The following PPM1L variants were observed in gnomAD, a reference collection of about 807,000 sequenced individuals.
PPM1L encodes protein phosphatase 1L.
PPM1L carries 13 observed loss-of-function variants against 31.4 expected under a neutral mutation model. The observed-to-expected ratio is 0.41, with a 90% CI of 0.27 to 0.66. The LOEUF is 0.66. Ranked by LOEUF, PPM1L falls within the 30% of genes least tolerant of loss-of-function variation. PPM1L has a pLI of 0.29. For synonymous variants in PPM1L, 184 were observed against 175.4 expected, an observed-to-expected ratio of 1.05 and a Z score of -0.39; for missense variants, 326 against 453.7, an observed-to-expected ratio of 0.72 and a Z score of 2.56.
chr3:161,051,480 A>G (rs1315876357), intron 2 of PPM1L, among the ~76,000 whole-genome samples: 1 of 152,086 alleles, frequency 6.6e-6, no homozygotes, highest in African/African-American at 2.4e-5. Flanking sequence ...ATTCAGTAAT[A>G]TGCTTGTATT....
chr3:160,871,917 C>A (rs1712321861), intron 1 of PPM1L, among the ~76,000 whole-genome samples: 1 of 152,046 alleles, frequency 6.6e-6, no homozygotes, highest in African/African-American at 2.4e-5. Context: ...AAAATGACCA[C>A]TTTTGTATTT....
chr3:161,053,086 G>A (rs557189040), intron 2 of PPM1L, among the ~76,000 whole-genome samples: 43 of 152,346 alleles, frequency 2.8e-4, no homozygotes, highest in Admixed American at 8.5e-4. Context: ...ACACGAAGAC[G>A]TGAAAAAATA....
chr3:160,875,362 G>T (rs577198444), intron 1 of PPM1L, among the ~76,000 whole-genome samples: 1 of 152,296 alleles, frequency 6.6e-6, no homozygotes, highest in Non-Finnish European at 1.5e-5. Flanking sequence ...ATATCAAGAT[G>T]TTTAAAATAC....
chr3:160,975,188 T>G (rs968645273), intron 2 of PPM1L, among the ~76,000 whole-genome samples: 26 of 152,190 alleles, frequency 1.7e-4, no homozygotes, highest in Non-Finnish European at 1.5e-4. Context: ...GTTGTAGATA[T>G]GCGGCGTTAT....
intron 1 of PPM1L, among the ~76,000 whole-genome samples, chr3:160,871,406 T>G (rs1712300935): frequency 6.6e-6 from 1 of 152,196 alleles, no homozygotes; most frequent in Non-Finnish European, 1.5e-5. Flanking sequence ...TATTCCAGAC[T>G]TAGGGGATTA....
At chr3:160,948,071 C>T (rs1715465801) in intron 1 of PPM1L, among the ~76,000 whole-genome samples, 1 of 152,078 alleles carries the variant, frequency 6.6e-6, no homozygotes, top group African/African-American at 2.4e-5. Context: ...AGCACAGTGT[C>T]CAGCACATAG....
intron 2 of PPM1L, among the ~76,000 whole-genome samples, chr3:161,063,020 C>A (rs1719621151): frequency 6.6e-6 from 1 of 152,004 alleles, no homozygotes; most frequent in South Asian, 2.1e-4. Context: ...GAGAGGACTC[C>A]AAGAGTGATG....
chr3:160,993,498 C>A (rs937663190), intron 2 of PPM1L, among the ~76,000 whole-genome samples: 3 of 152,108 alleles, frequency 2.0e-5, no homozygotes, highest in African/African-American at 7.2e-5. Context: ...TAGCTTCTTG[C>A]CTGCTCAGGT....
chr3:160,768,173 C>CT (rs959981155), intron 1 of PPM1L, among the ~76,000 whole-genome samples: 3 of 152,118 alleles, frequency 2.0e-5, no homozygotes, highest in Admixed American at 1.3e-4. Flanking sequence ...ATTTGTCTTT[C>CT]TGAGTTTTCT....
chr3:160,807,005 C>T (rs1237739839), intron 1 of PPM1L, among the ~76,000 whole-genome samples: 3 of 152,108 alleles, frequency 2.0e-5, no homozygotes, highest in East Asian at 1.9e-4. Context: ...ATCCAGGCCA[C>T]GTCTAGACCA....
chr3:160,899,844 A>C (rs372418175), intron 1 of PPM1L, among the ~76,000 whole-genome samples: 2 of 152,182 alleles, frequency 1.3e-5, no homozygotes, highest in African/African-American at 4.8e-5. Flanking sequence ...TTAAATGTAG[A>C]TGAATTTTCT....
intron 2 of PPM1L, among the ~76,000 whole-genome samples, chr3:161,016,875 G>A (rs1289692227): frequency 2.6e-5 from 4 of 152,166 alleles, no homozygotes; most frequent in Non-Finnish European, 5.9e-5. Flanking sequence ...AGAGAAGAAT[G>A]CTTGCTCATC....
intron 2 of PPM1L, among the ~76,000 whole-genome samples, chr3:161,038,212 C>T (rs1472230758): frequency 1.6e-5 from 2 of 123,668 alleles, no homozygotes; most frequent in Admixed American, 1.0e-4. Flanking sequence ...CCAGCCTGGG[C>T]GACAGAGCGA....
chr3:160,827,698 TTGACTAA>T (rs112256257), intron 1 of PPM1L, among the ~76,000 whole-genome samples: 9,780 of 152,158 alleles, frequency 0.064, 346 homozygotes, highest in African/African-American at 0.098. Context: ...CTCTATCTAA[TTGACTAA>T]TGACTGAAAC....
intron 1 of PPM1L, among the ~76,000 whole-genome samples, chr3:160,935,034 CA>C (rs1714921540): frequency 6.6e-6 from 1 of 151,936 alleles, no homozygotes; most frequent in Admixed American, 6.6e-5. Flanking sequence ...TAGATATGGA[CA>C]AAACATAGTT....
chr3:160,889,121 T>C (rs924686374), intron 1 of PPM1L, among the ~76,000 whole-genome samples: 3 of 151,930 alleles, frequency 2.0e-5, no homozygotes, highest in Non-Finnish European at 4.4e-5. Context: ...ACTAATCCAA[T>C]AGCTAGCAGA....
chr3:160,812,027 C>G (rs2108084966), intron 1 of PPM1L, among the ~76,000 whole-genome samples: 1 of 152,288 alleles, frequency 6.6e-6, no homozygotes, highest in South Asian at 2.1e-4. Flanking sequence ...TATGGCATTG[C>G]TATTCTCTAG....
chr3:160,895,888 GCTTT>G, intron 1 of PPM1L, among the ~76,000 whole-genome samples: 1 of 152,208 alleles, frequency 6.6e-6, no homozygotes. Flanking sequence ...TATTTGCTGT[GCTTT>G]CTTATCTTTC....
intron 1 of PPM1L, among the ~76,000 whole-genome samples, chr3:160,817,046 A>G (rs1361692352): frequency 1.3e-5 from 2 of 152,108 alleles, no homozygotes; most frequent in Admixed American, 1.3e-4. Flanking sequence ...AAAGTGGTAG[A>G]AAAGAAGAAA....
Sources: allele counts gnomAD v4.1 joint callset (sites outside exome capture counted in the v4.1 genomes callset), GRCh38; gene constraint gnomAD v4.1.1; transcripts MANE v1.5; gene names NCBI Gene and HGNC (gene_info 2026-07-23, HGNC 2026-07-21).